DPP10: variants seen among roughly 807,000 people sequenced by gnomAD.
DPP10 encodes inactive dipeptidyl peptidase 10.
Under a neutral mutation model 120.9 loss-of-function variants are expected in DPP10, and 33 were observed. The observed-to-expected ratio is 0.27, with a 90% confidence interval of 0.21 to 0.37. The LOEUF is 0.37. Ranked by LOEUF, DPP10 falls within the 10% of genes least tolerant of loss-of-function variation. The pLI is 1.00. For synonymous variants in DPP10, 337 were observed against 326.1 expected (o/e 1.03, Z -0.36); for missense variants, 816 against 942.8 (o/e 0.87, Z 1.76).
At chr2:114,764,347 A>G (rs994285753) in intron 1 of DPP10, among the ~76,000 whole-genome samples, 7 of 140,388 alleles carry the variant, frequency 5.0e-5, no homozygotes, top group Admixed American at 2.9e-4. Context: ...AGTTATTTTG[A>G]AAAAAAAAAG....
At chr2:115,829,149 C>T (rs1264044505) in intron 21 of DPP10, among the ~76,000 whole-genome samples, 1 of 152,114 alleles carries the variant, frequency 6.6e-6, no homozygotes, top group East Asian at 1.9e-4. Flanking sequence ...TATCAAAAGG[C>T]TAAATGAGTA....
At chr2:115,719,866 G>A (rs773456833) in intron 7 of DPP10, among the ~76,000 whole-genome samples, 5 of 151,968 alleles carry the variant, frequency 3.3e-5, no homozygotes, top group Non-Finnish European at 7.4e-5. Flanking sequence ...ACAAAACATC[G>A]TTCACACTAT....
chr2:115,536,680 T>G (rs2078866788), intron 5 of DPP10, among the ~76,000 whole-genome samples: 1 of 152,030 alleles, frequency 6.6e-6, no homozygotes, highest in African/African-American at 2.4e-5. Flanking sequence ...GAATGCTTTT[T>G]CTAAGGTAAA....
At chr2:115,735,517 C>T (rs2093015270) in intron 8 of DPP10, among the ~76,000 whole-genome samples, 1 of 151,360 alleles carries the variant, frequency 6.6e-6, no homozygotes, top group African/African-American at 2.4e-5. Context: ...TCCTTTCCAT[C>T]CTTTTCTATT....
chr2:115,294,773 A>G (rs927905927), intron 1 of DPP10, among the ~76,000 whole-genome samples: 1 of 152,098 alleles, frequency 6.6e-6, no homozygotes, highest in African/African-American at 2.4e-5. Flanking sequence ...TATGATGCTA[A>G]TAAGTATCAC....
intron 19 of DPP10, among the ~76,000 whole-genome samples, chr2:115,803,152 T>C (rs1160926220): frequency 1.3e-5 from 2 of 152,210 alleles, no homozygotes; most frequent in African/African-American, 2.4e-5. Flanking sequence ...TAGTTAGTTC[T>C]TCTTGTTGAA....
At chr2:114,623,900 G>T (rs904121368) in intron 1 of DPP10, among the ~76,000 whole-genome samples, 1 of 152,058 alleles carries the variant, frequency 6.6e-6, no homozygotes, top group African/African-American at 2.4e-5. Flanking sequence ...ACTCTATTTA[G>T]TATTTAAAAT....
chr2:114,697,903 T>C (rs1700163912), intron 1 of DPP10, among the ~76,000 whole-genome samples: 1 of 152,122 alleles, frequency 6.6e-6, no homozygotes, highest in Non-Finnish European at 1.5e-5. Flanking sequence ...TGAAATATCC[T>C]TCTTACAACT....
chr2:114,707,086 C>CT (rs1700731929), intron 1 of DPP10: 1 of 152,112 alleles, frequency 6.6e-6, no homozygotes, highest in African/African-American at 2.4e-5. Context: ...CCGTCACACG[C>CT]TTTTTCATCC....
chr2:114,573,606 C>T (rs1326934861), intron 1 of DPP10, among the ~76,000 whole-genome samples: 1 of 152,188 alleles, frequency 6.6e-6, no homozygotes, highest in Non-Finnish European at 1.5e-5. Flanking sequence ...AGAACATGAA[C>T]AATCTCTTCA....
chr2:115,610,532 G>T (rs6542277), intron 5 of DPP10, among the ~76,000 whole-genome samples: 150,181 of 151,974 alleles, frequency 0.99, 74,233 homozygotes, highest in East Asian at 1. Flanking sequence ...ATGAAGTGAA[G>T]TTTAAAACGA....
At chr2:115,017,780 C>T (rs1702762170) in intron 1 of DPP10, among the ~76,000 whole-genome samples, 2 of 151,424 alleles carry the variant, frequency 1.3e-5, no homozygotes, top group African/African-American at 4.9e-5. Flanking sequence ...CGCATGTTCT[C>T]ACTCATAGCT....
chr2:115,014,238 A>T (rs1702472012), intron 1 of DPP10, among the ~76,000 whole-genome samples: 1 of 152,202 alleles, frequency 6.6e-6, no homozygotes. Flanking sequence ...ATGCTCCTGA[A>T]TGACTACTGG....
chr2:114,528,782 T>G (rs1685719467), intron 1 of DPP10, among the ~76,000 whole-genome samples: 1 of 151,970 alleles, frequency 6.6e-6, no homozygotes, highest in African/African-American at 2.4e-5. Context: ...TAAATCTCAT[T>G]GCACCAGGCA....
At chr2:114,722,092 T>C (rs1701735959) in intron 1 of DPP10, among the ~76,000 whole-genome samples, 1 of 152,158 alleles carries the variant, frequency 6.6e-6, no homozygotes, top group African/African-American at 2.4e-5. Context: ...AAGGGAAGAT[T>C]ATAGATGTTA....
chr2:115,725,620 T>C (rs970910962), intron 7 of DPP10, among the ~76,000 whole-genome samples: 2 of 152,184 alleles, frequency 1.3e-5, no homozygotes, highest in African/African-American at 2.4e-5. Flanking sequence ...GAGGTTTTAT[T>C]AATTATTTTG....
intron 1 of DPP10, among the ~76,000 whole-genome samples, chr2:114,561,415 A>G (rs1410650301): frequency 6.6e-6 from 1 of 152,076 alleles, no homozygotes; most frequent in Non-Finnish European, 1.5e-5. Flanking sequence ...ATACATCTGC[A>G]CACATGTGCA....
At chr2:114,494,110 A>AC (rs1682260468) in intron 1 of DPP10, among the ~76,000 whole-genome samples, 1 of 145,566 alleles carries the variant, frequency 6.9e-6, no homozygotes, top group Non-Finnish European at 1.5e-5. Context: ...GCAAAAAAAA[A>AC]AAAAAAAAAA....
chr2:115,745,686 T>C (rs1234141975), intron 9 of DPP10, among the ~76,000 whole-genome samples: 2 of 150,450 alleles, frequency 1.3e-5, no homozygotes, highest in Non-Finnish European at 2.9e-5. Flanking sequence ...TCCTCTTTTT[T>C]TTTAATTAGC....
Sources: allele counts gnomAD v4.1 joint callset (sites outside exome capture counted in the v4.1 genomes callset), GRCh38; gene constraint gnomAD v4.1.1; transcripts MANE v1.5; gene names NCBI Gene and HGNC (gene_info 2026-07-23, HGNC 2026-07-21).